The following TDRD6 variants were observed in gnomAD, a reference collection of about 807,000 sequenced individuals.
TDRD6 encodes tudor domain containing 6.
In TDRD6, 186 loss-of-function variants were observed where a neutral mutation model predicts 157.5. The ratio of observed to expected loss-of-function variants is 1.18; its 90% CI spans 1.05 to 1.33. TDRD6 has a LOEUF of 1.33. Ranked by LOEUF, TDRD6 falls within the 40% of genes most tolerant of loss-of-function variation. The pLI is 0.00. For synonymous variants in TDRD6, 1,075 were observed against 945.2 expected (o/e 1.14, Z -2.52); for missense variants, 3,066 against 2,508.0 (o/e 1.22, Z -4.75).
upstream of TDRD6, among the ~76,000 whole-genome samples, chr6:46,683,522 G>C (rs542502359): frequency 1.3e-5 from 2 of 151,878 alleles, no homozygotes; most frequent in African/African-American, 4.8e-5. Context: ...TTCTTCAAAA[G>C]ACACTATTTA....
intron 3 of TDRD6, 62 bp downstream of exon 3, chr6:46,698,149 A>G: frequency 7.8e-7 from 1 of 1,276,232 alleles, no homozygotes; most frequent in Non-Finnish European, 1.1e-6. Context: ...AAGGTGATTT[A>G]ACAAACTATT....
rs754157825 is a variant in TDRD6 at position 46,692,435 on chromosome 6, A to T, written c.4307A>T (p.His1436Leu). ...AATAAAAATTCTAAGAAAATGATGC[A>T]TTACTTTTCCCAACGGACCAGCGAG... The part of the protein sequence containing the change: ...PDNKNSKKMM[H>L]YFSQRTSEAA... Residue 1436 changes from histidine to leucine, a missense_variant, in exon 1 of 4, where the codon CAT becomes CTT. His to Leu is a moderately conservative substitution (Grantham distance 99). Coordinates refer to ENST00000316081, the MANE Select transcript of TDRD6 (RefSeq NM_001010870.3). The T allele has an allele frequency of 1.9e-6, 3 of 1,614,176 alleles. No homozygotes were observed. Among genetic ancestry groups the T allele is most frequent in the South Asian group, 2.2e-5 (2 of 91,080 alleles).
rs1764332824 is a variant in TDRD6, at chr6:46,691,807, T to C, written c.3679T>C (p.Leu1227=). Residue 1227 remains leucine (L), a synonymous_variant, in exon 1 of 4, where the codon TTA becomes CTA. Coordinates refer to ENST00000316081, the MANE Select transcript of TDRD6 (RefSeq NM_001010870.3). ...CTCATCATACAAGGAACTCAAACTT[T>C]TACAAAGTTTAACAAAAACAAACTT... ...INSSYKELKL[L]QSLTKTNLVT... is the part of the protein sequence containing the mutation. 1.9e-6 allele frequency: 3 copies of C among 1,601,632 alleles called. No individual in the cohort carries two copies. Among genetic ancestry groups the C allele is most frequent in the Admixed American group, 1.8e-5 (1 of 56,100 alleles).
rs1259636974 is a variant in TDRD6 at position 46,692,721 on chromosome 6, T to C, written c.4593T>C (p.Pro1531=). Residue 1531 remains proline (P), a synonymous_variant, in exon 1 of 4, where the codon CCT becomes CCC. Coordinates refer to ENST00000316081, the MANE Select transcript of TDRD6 (RefSeq NM_001010870.3). The stretch of plus-strand genomic sequence containing the variant: ...CTTATGCCACTGTGATAGATGGACC[T>C]GAGTACTTTTGGTGTCAGTTTGCTG... ...IRAYATVIDG[P]EYFWCQFADT... is the part of the protein sequence containing the mutation. 21 of 1,614,204 alleles carry C rather than the reference T, an allele frequency of 1.3e-5. No homozygotes were observed. Among genetic ancestry groups the C allele is most frequent in the Non-Finnish European group, 1.7e-5 (20 of 1,180,040 alleles).
At chr6:46,698,897 C>A (rs1230100593) in intron 3 of TDRD6, among the ~76,000 whole-genome samples, 18 of 152,168 alleles carry the variant, frequency 1.2e-4, no homozygotes, top group Admixed American at 1.0e-3. Context: ...TGTTCTCTTT[C>A]TCCTTCTGTG....
At position 46,688,315 on chromosome 6, in the gene TDRD6, G is replaced by T. The variant is rs1452448137; in HGVS notation, c.187G>T (p.Gly63Cys). 3.3e-6 allele frequency: 5 copies of T among 1,519,234 alleles called. No individual in the cohort carries two copies. The highest frequency in any genetic ancestry group is 2.8e-5 in the African/African-American group (2 of 71,248). The allele number at this position is 1,519,234 out of a possible 1,614,324, so 94.1% of individuals were successfully genotyped here. Residue 63 changes from glycine to cysteine, a missense_variant, in exon 1 of 4, where the codon GGC becomes TGC. Coordinates refer to ENST00000316081, the MANE Select transcript of TDRD6 (RefSeq NM_001010870.3). Reference protein sequence around the residue: ...AAATRGQWALGSASASPGELC... With the variant: ...AAATRGQWALCSASASPGELC... ...GGCCACGCGCGGCCAGTGGGCGCTG[G>T]GCAGCGCCTCGGCCTCGCCCGGCGA...
chr6:46,690,396 G>A lies in TDRD6; in HGVS notation c.2268G>A (p.Leu756=), dbSNP rs1764271956. 1.9e-6 allele frequency: 3 copies of A among 1,613,794 alleles called. 1 individual carries two copies. In the South Asian group the frequency reaches 3.3e-5, roughly 18 times the overall value. Residue 756 remains leucine (L), a synonymous_variant, in exon 1 of 4, where the codon TTG becomes TTA. Coordinates refer to ENST00000316081, the MANE Select transcript of TDRD6 (RefSeq NM_001010870.3). ...SVYFPLMQNC[L]EIKPGSSSKG... is the part of the protein sequence containing the mutation. The stretch of plus-strand genomic sequence containing the variant: ...ATTTTCCTCTTATGCAGAATTGCTT[G>A]GAAATTAAGCCAGGCTCCTCTAGTA...
Position 46,692,855 on chromosome 6 carries a change from T to C in TDRD6, c.4727T>C (p.Val1576Ala), listed in dbSNP as rs749421486. The part of the protein sequence containing the change: ...PCPYIGDPCI[V>A]RYREDGHYYR... The stretch of plus-strand genomic sequence containing the variant: ...CCTTATATTGGAGATCCTTGTATAG[T>C]AAGATACAGAGAAGATGGACATTAT... Residue 1576 changes from valine (V) to alanine (A), a missense_variant, in exon 1 of 4, where the codon GTA becomes GCA. Transcript: ENST00000316081. The C allele has an allele frequency of 6.2e-7, 1 of 1,614,070 alleles. No homozygotes were observed. Among genetic ancestry groups the C allele is most frequent in the South Asian group, 1.1e-5 (1 of 91,078 alleles).
At position 46,688,246 on chromosome 6, in the gene TDRD6, C is replaced by A. The variant is rs1358203446; in HGVS notation, c.118C>A (p.Arg40=). ...VQLWGLVGER[R]GEYLRLSREI... is the part of the protein sequence containing the mutation. The stretch of plus-strand genomic sequence containing the variant: ...GCTGTGGGGGCTGGTGGGCGAGCGG[C>A]GGGGCGAGTACCTGCGGCTGAGCCG... Residue 40 remains arginine, a synonymous_variant, in exon 1 of 4, where the codon CGG becomes AGG. Transcript: ENST00000316081. 23 of 1,519,868 alleles carry A rather than the reference C, an allele frequency of 1.5e-5. No homozygotes were observed. Among genetic ancestry groups the A allele is most frequent in the Non-Finnish European group, 1.9e-5 (22 of 1,140,744 alleles). The allele number at this position is 1,519,868 out of a possible 1,614,324, so 94.1% of individuals were successfully genotyped here. A position where few individuals can be genotyped will look rare whatever the true frequency, so the allele number is the denominator to read the frequency against.
upstream of TDRD6, among the ~76,000 whole-genome samples, chr6:46,683,422 A>G (rs192060510): frequency 5.3e-5 from 8 of 152,134 alleles, no homozygotes; most frequent in African/African-American, 1.9e-4. Flanking sequence ...TGGGTTAGTA[A>G]AAGATTTAGT....
At chr6:46,680,764 AATT>A in the TDRD6 span, among the ~76,000 whole-genome samples, 1 of 152,042 alleles carries the variant, frequency 6.6e-6, no homozygotes, top group African/African-American at 2.4e-5. Flanking sequence ...GCATTGCTCT[AATT>A]ATTTCCCTGG....
At chr6:46,681,101 G>A in the TDRD6 span, among the ~76,000 whole-genome samples, 487 of 152,320 alleles carry the variant, frequency 3.2e-3, 2 homozygotes, top group African/African-American at 0.011. Context: ...CTGTTGAATT[G>A]AGAGGGTTTT....
At position 46,689,564 on chromosome 6, in the gene TDRD6, GATCT is replaced by G; in HGVS notation, c.1440_1443del (p.Ile481GlyfsTer2). On this transcript the variant is annotated frameshift_variant, in exon 1 of 4. Transcript: ENST00000316081. LOFTEE classifies it high-confidence loss of function. ...GAAGAGATTTCACTCCCAGCCTTAA[GATCT>G]ATCAGGTTAAAGATGAATGCCTTCT... 1 of 1,614,124 alleles carries G rather than the reference GATCT, an allele frequency of 6.2e-7. No homozygotes were observed. Among genetic ancestry groups the G allele is most frequent in the Non-Finnish European group, 8.5e-7 (1 of 1,180,024 alleles).
rs1288335754 is a variant in TDRD6, at chr6:46,704,113, A to G, written c.*2226A>G. The G allele has an allele frequency of 6.3e-6, 1 of 159,092 alleles. No individual in the cohort carries two copies. Among genetic ancestry groups the G allele is most frequent in the Non-Finnish European group, 1.4e-5 (1 of 72,038 alleles). 9.9% of individuals were successfully genotyped at this position (159,092 alleles called of 1,614,324 possible). On this transcript the variant is annotated 3_prime_UTR_variant, in exon 4 of 4. Transcript: ENST00000316081. ...CTACCTAGAATATCATGTTGCTATAATTAAACTCCACTGCCCATAGTAGAT... is the reference window on the plus strand; with the variant it reads ...CTACCTAGAATATCATGTTGCTATAGTTAAACTCCACTGCCCATAGTAGAT...
upstream of TDRD6, among the ~76,000 whole-genome samples, chr6:46,685,647 AGGAGAAATACCTAAT>A (rs1443129012): frequency 6.6e-6 from 1 of 152,106 alleles, no homozygotes; most frequent in Non-Finnish European, 1.5e-5. Context: ...GGATAGCATT[AGGAGAAATACCTAAT>A]GTAGATGATG....
chr6:46,694,890 A>T lies in TDRD6; in HGVS notation c.6046+716A>T, dbSNP rs78720034. Among the ~76,000 whole-genome samples, 368 of 152,328 alleles carry T rather than the reference A, an allele frequency of 2.4e-3. 1 individual carries two copies. The highest frequency in any genetic ancestry group is 8.1e-3 in the African/African-American group (338 of 41,580). The stretch of plus-strand genomic sequence containing the variant: ...ATTTCAACAGGGTCTTTTAGACTTA[A>T]CTGTATCATGCATTGATCTTGCAAT... On this transcript the variant is annotated intron_variant, in intron 1 of 3. Coordinates refer to ENST00000316081, the MANE Select transcript of TDRD6 (RefSeq NM_001010870.3).
the TDRD6 span, chr6:46,681,481 G>A: frequency 3.0e-5 from 14 of 463,458 alleles, no homozygotes; most frequent in Non-Finnish European, 4.5e-5. Context: ...TCTGAATTTT[G>A]AGGAATACAT....
In TDRD6 at chr6:46,689,243, T is replaced by C. The variant is rs762656472; in HGVS notation, c.1115T>C (p.Val372Ala). Residue 372 changes from valine to alanine, a missense_variant, in exon 1 of 4, where the codon GTG becomes GCG. Transcript: ENST00000316081. ...LLPEYFRMPVVTYPCALYGLW... is the reference protein window; with the variant it reads ...LLPEYFRMPVATYPCALYGLW... Reference sequence around the variant, plus strand: ...CCTGAATATTTTCGAATGCCGGTGGTGACCTACCCTTGTGCTTTGTATGGA... The same window carrying C: ...CCTGAATATTTTCGAATGCCGGTGGCGACCTACCCTTGTGCTTTGTATGGA... The C allele has an allele frequency of 6.8e-6, 11 of 1,614,018 alleles. No homozygotes were observed. Among genetic ancestry groups the C allele is most frequent in the Non-Finnish European group, 9.3e-6 (11 of 1,180,030 alleles).
In TDRD6 at chr6:46,692,666, G is replaced by T. The variant is rs376216679; in HGVS notation, c.4538G>T (p.Trp1513Leu). The T allele has an allele frequency of 3.1e-6, 5 of 1,613,250 alleles. No individual in the cohort carries two copies. Among genetic ancestry groups the T allele is most frequent in the Non-Finnish European group, 4.2e-6 (5 of 1,179,862 alleles). Residue 1513 changes from tryptophan (W) to leucine (L), a missense_variant, in exon 1 of 4, where the codon TGG becomes TTG. Coordinates refer to ENST00000316081, the MANE Select transcript of TDRD6 (RefSeq NM_001010870.3). ...ATTGACACTTCAGTATTTCTTAACT[G>T]GTATAATCCAGAAAAAAAAATGATA... is the stretch of plus-strand genomic sequence containing the variant. ...SDIDTSVFLN[W>L]YNPEKKMIRA... is the part of the protein sequence containing the mutation.
Sources: gnomAD v4.1 joint callset for allele counts (sites outside exome capture counted in the v4.1 genomes callset) on GRCh38, gnomAD v4.1.1 for gene constraint, MANE v1.5 for transcripts, NCBI Gene and HGNC (gene_info 2026-07-23, HGNC 2026-07-21) for gene names.